The following SF3B2 variants were observed in gnomAD, a reference collection of about 807,000 sequenced individuals.
SF3B2 encodes splicing factor 3b subunit 2, also known as SAP 145.
SF3B2 carries 22 observed loss-of-function variants against 116.3 expected under a neutral mutation model. The observed-to-expected ratio is 0.19, with a 90% CI of 0.14 to 0.27. SF3B2 has a LOEUF of 0.27. Ranked by LOEUF, SF3B2 falls within the 10% of genes least tolerant of loss-of-function variation. The pLI, the probability that SF3B2 is intolerant of heterozygous loss-of-function variation, is 1.00. For missense variants in SF3B2, 767 were observed against 1,151.4 expected (o/e 0.67, Z 4.83); for synonymous variants, 406 against 421.6 (o/e 0.96, Z 0.45).
At chr11:66,062,117 A>T in intron 16 of SF3B2, 119 bp downstream of exon 16, 1 of 748,846 alleles carries the variant, frequency 1.3e-6, no homozygotes, top group Non-Finnish European at 2.2e-6. Context: ...AAAATATTTT[A>T]TTGACATAAT....
intron 5 of SF3B2, 104 bp from the exon 6 acceptor site, chr11:66,056,734 A>G (rs1407279082): frequency 1.2e-6 from 1 of 826,132 alleles, no homozygotes; most frequent in East Asian, 2.5e-5. Flanking sequence ...GTGGTTCGTG[A>G]TTGTTCTCCT....
At chr11:66,064,956 CTT>C (rs1857156117) in intron 19 of SF3B2, 1 of 151,858 alleles carries the variant, frequency 6.6e-6, no homozygotes, top group Non-Finnish European at 1.5e-5. Context: ...GGTTGACAAT[CTT>C]TTTTCTTTCA....
chr11:66,059,224 G>A lies in SF3B2; in HGVS notation c.1206G>A (p.Glu402=). 1 of 1,614,122 alleles carries A rather than the reference G, an allele frequency of 6.2e-7. No homozygotes were observed. Among genetic ancestry groups the A allele is most frequent in the Non-Finnish European group, 8.5e-7 (1 of 1,180,018 alleles). Residue 402 remains glutamate (E), a synonymous_variant, in exon 11 of 22, where the codon GAG becomes GAA. Transcript: ENST00000322535. This position sits in a 1 kb window ranked among gnomAD's most constrained non-coding sequence, Gnocchi z 5.0. ...AGCTCACTGATGATGTGAAGAAGGA[G>A]AAAGAGAAGGAGCCAGAGAAACTTG... ...AFKLTDDVKK[E]KEKEPEKLDK... is the part of the protein sequence containing the mutation.
Position 66,063,213 on chromosome 11 carries a change from C to T in SF3B2, c.2085+97C>T, listed in dbSNP as rs142514240. ...ATTATCAGGGAGTTGTGTGTTCTGA[C>T]ACAGCAGAGCCTGGAAAAGGGCATA... On this transcript the variant is annotated intron_variant, in intron 17 of 21. Transcript: ENST00000322535. The T allele has an allele frequency of 4.7e-6, 5 of 1,068,570 alleles. No homozygotes were observed. In the East Asian group the frequency reaches 1.2e-4, roughly 26 times the overall value. The allele number at this position is 1,068,570 out of a possible 1,614,324, so 66.2% of individuals were successfully genotyped here.
chr11:66,055,002 A>G, intron 3 of SF3B2, 74 bp from the exon 4 acceptor site: 1 of 1,434,620 alleles, frequency 7.0e-7, no homozygotes, highest in East Asian at 2.4e-5. Context: ...TCCTGACTCA[A>G]AGTAGATCCC....
chr11:66,061,446 A>G (rs1857098963), intron 14 of SF3B2, among the ~76,000 whole-genome samples: 2 of 152,158 alleles, frequency 1.3e-5, no homozygotes, highest in South Asian at 4.1e-4. Context: ...GAGTGCCCTC[A>G]TTTTACAGAT....
intron 9 of SF3B2, 89 bp from the exon 10 acceptor site, chr11:66,058,741 T>C (rs1669030145): frequency 1.8e-6 from 2 of 1,098,618 alleles, no homozygotes; most frequent in African/African-American, 1.6e-5. Flanking sequence ...TGTTGAACTG[T>C]GGGGGAGAAT....
intron 14 of SF3B2, among the ~76,000 whole-genome samples, chr11:66,061,380 G>C (rs990867129): frequency 3.3e-5 from 5 of 152,196 alleles, no homozygotes; most frequent in Non-Finnish European, 7.4e-5. Context: ...TGAAATCGTA[G>C]TCACCATGAT....
At chr11:66,067,588 G>A (rs190039552) in intron 19 of SF3B2, 23 of 465,890 alleles carry the variant, frequency 4.9e-5, no homozygotes, top group African/African-American at 1.2e-4. Flanking sequence ...GACATTCTTC[G>A]GGTGGGAACT....
intron 21 of SF3B2, 71 bp from the exon 22 acceptor site, chr11:66,068,603 G>C: frequency 7.6e-7 from 1 of 1,314,252 alleles, no homozygotes; most frequent in South Asian, 1.2e-5. Context: ...ATGTCAGGCT[G>C]CCCACCCTTG....
In SF3B2 at chr11:66,052,445, C is replaced by G. The variant is rs1254082770; in HGVS notation, c.61C>G (p.Pro21Ala). 5 of 1,613,648 alleles carry G rather than the reference C, an allele frequency of 3.1e-6. No individual in the cohort carries two copies. The highest frequency in any genetic ancestry group is 4.2e-6 in the Non-Finnish European group (5 of 1,179,912). The change falls in exon 1 of 22, where the codon CCA becomes GCA. Residue 21 changes from proline (P) to alanine (A), a missense_variant. This residue lies in a region of SF3B2 where 455 missense variants were observed against 537.5 expected (regional missense o/e 0.85). Coordinates refer to ENST00000322535, the MANE Select transcript of SF3B2 (RefSeq NM_006842.3). Reference protein sequence around the residue: ...AELQLPPPPPPGHYGAWAAQE... With the variant: ...AELQLPPPPPAGHYGAWAAQE... ...ATTGCAGCTGCCGCCGCCGCCACCT[C>G]CAGGCCACTATGGCGCCTGGGCTGC...
At position 66,060,564 on chromosome 11, in the gene SF3B2, T is replaced by A. The variant is rs1479719596; in HGVS notation, c.1630-18T>A. On this transcript the variant is annotated intron_variant, in intron 13 of 21. Coordinates refer to ENST00000322535, the MANE Select transcript of SF3B2 (RefSeq NM_006842.3). Reference sequence around the variant, plus strand: ...TGGTGAGTACTTGTTAAGGCTTGTTTGCTGCCATTCTCCACAGGAAGAACA... The same window carrying A: ...TGGTGAGTACTTGTTAAGGCTTGTTAGCTGCCATTCTCCACAGGAAGAACA... 6.2e-7 allele frequency: 1 copy of A among 1,614,046 alleles called. No homozygotes were observed. The highest frequency in any genetic ancestry group is 1.1e-5 in the South Asian group (1 of 91,080).
At chr11:66,060,813 T>A in intron 14 of SF3B2, 82 bp downstream of exon 14, 1 of 1,452,930 alleles carries the variant, frequency 6.9e-7, no homozygotes, top group Non-Finnish European at 9.5e-7. Context: ...TTTGTTTGTT[T>A]AAAAAAGATG....
intron 19 of SF3B2, chr11:66,067,674 G>C (rs1241473681): frequency 2.0e-6 from 1 of 502,792 alleles, no homozygotes; most frequent in East Asian, 4.1e-5. Flanking sequence ...CTGACCTTTT[G>C]ACCCTTATGT....
At chr11:66,057,164 C>T in intron 6 of SF3B2, 102 bp from the exon 7 acceptor site, 2 of 907,996 alleles carry the variant, frequency 2.2e-6, no homozygotes, top group South Asian at 1.3e-5. Flanking sequence ...CACGTGCCCT[C>T]CTCCCCTGCA....
chr11:66,060,512 T>C (rs910384919), intron 13 of SF3B2, 70 bp from the exon 14 acceptor site: 3 of 1,567,990 alleles, frequency 1.9e-6, no homozygotes, highest in East Asian at 2.2e-5. Context: ...TCATTTGGAG[T>C]TGGGAGCTGG....
chr11:66,053,394 T>C (rs527675344), intron 3 of SF3B2: 8 of 441,496 alleles, frequency 1.8e-5, no homozygotes, highest in African/African-American at 1.2e-4. Context: ...AAAAGCAGCT[T>C]GTGGCCGGGT....
intron 19 of SF3B2, chr11:66,067,467 T>C: frequency 2.2e-6 from 1 of 456,294 alleles, no homozygotes; most frequent in Non-Finnish European, 4.4e-6. Context: ...AGTGGTAGAT[T>C]TGCTCTTGTT....
chr11:66,064,858 G>A (rs965259523), intron 19 of SF3B2: 1 of 152,060 alleles, frequency 6.6e-6, no homozygotes. Context: ...TGGGTCTGCT[G>A]GTTTTGAATT....
Sources: gnomAD v4.1 joint callset for allele counts (sites outside exome capture counted in the v4.1 genomes callset) on GRCh38, gnomAD v4.1.1 for gene constraint, gnomAD v4.1.1 regional missense constraint, Gnocchi (gnomAD v3.1) non-coding constraint, MANE v1.5 for transcripts, NCBI Gene and HGNC (gene_info 2026-07-23, HGNC 2026-07-21) for gene names.